TNIK: variants seen among roughly 807,000 people sequenced by gnomAD.
TNIK encodes TRAF2 and NCK interacting kinase.
TNIK carries 49 observed loss-of-function variants against 191.3 expected under a neutral mutation model. The ratio of observed to expected loss-of-function variants is 0.26; its 90% CI spans 0.20 to 0.32. The LOEUF (loss-of-function observed/expected upper bound fraction) is 0.32. Ranked by LOEUF, TNIK falls within the 10% of genes least tolerant of loss-of-function variation. TNIK has a pLI of 1.00. For missense variants in TNIK, 1,155 were observed against 1,702.3 expected, an observed-to-expected ratio of 0.68 and a Z score of 5.66; for synonymous variants, 594 against 600.9, an observed-to-expected ratio of 0.99 and a Z score of 0.17.
chr3:171,331,214 G>A lies in TNIK; in HGVS notation c.123+38406C>T, dbSNP rs1416792698. Among the ~76,000 whole-genome samples, 6 of 152,088 alleles carry A rather than the reference G, an allele frequency of 3.9e-5. No homozygotes were observed. The East Asian group carries it at 5.8e-4, about 15-fold the overall frequency. Reference sequence around the variant, plus strand: ...GTGAAGAAAGGGGCCCTGACAGTGCGCTACTCCATAAATTCAAAAACAGGC... The same window carrying A: ...GTGAAGAAAGGGGCCCTGACAGTGCACTACTCCATAAATTCAAAAACAGGC... On this transcript the variant is annotated intron_variant, in intron 2 of 32. Coordinates refer to ENST00000436636, the MANE Select transcript of TNIK (RefSeq NM_015028.4).
chr3:171,243,592 C>T (rs1745238276), intron 2 of TNIK, among the ~76,000 whole-genome samples: 1 of 152,078 alleles, frequency 6.6e-6, no homozygotes, highest in Admixed American at 6.5e-5. Flanking sequence ...TACTGAGCAG[C>T]TATTATATAT....
chr3:171,330,283 C>T (rs1212729680), intron 2 of TNIK, among the ~76,000 whole-genome samples: 5 of 152,110 alleles, frequency 3.3e-5, no homozygotes, highest in East Asian at 1.9e-4. Flanking sequence ...AAAATATTTT[C>T]GGCTGCTTTG....
At chr3:171,433,937 CTTTTTTTTTTT>C (rs67036993) in intron 1 of TNIK, among the ~76,000 whole-genome samples, 8 of 71,152 alleles carry the variant, frequency 1.1e-4, no homozygotes, top group Admixed American at 2.2e-4. Flanking sequence ...TTTCTTTTTC[CTTTTTTTTTTT>C]TTTTTTTTTT....
chr3:171,385,696 T>C (rs1718635087), intron 1 of TNIK, among the ~76,000 whole-genome samples: 1 of 152,194 alleles, frequency 6.6e-6, no homozygotes, highest in African/African-American at 2.4e-5. Context: ...GCTTTGTTAA[T>C]AGTATTATTT....
chr3:171,100,693 T>C (rs1227976335), intron 22 of TNIK, among the ~76,000 whole-genome samples: 1 of 147,076 alleles, frequency 6.8e-6, no homozygotes, highest in African/African-American at 2.5e-5. Context: ...GTAGGTTCTT[T>C]CACGGGATCC....
intron 7 of TNIK, among the ~76,000 whole-genome samples, chr3:171,179,237 T>G (rs1204259797): frequency 1.3e-5 from 2 of 152,234 alleles, no homozygotes. Context: ...CTCTTTGTTA[T>G]GTTTCAAGAT....
chr3:171,333,528 C>A (rs1261752806), intron 2 of TNIK, among the ~76,000 whole-genome samples: 1 of 148,352 alleles, frequency 6.7e-6, no homozygotes, highest in Non-Finnish European at 1.5e-5. Flanking sequence ...GAGCCAAGAT[C>A]GCACCACTGC....
chr3:171,079,035 A>G (rs959790248), intron 28 of TNIK, among the ~76,000 whole-genome samples: 1 of 151,972 alleles, frequency 6.6e-6, no homozygotes, highest in Non-Finnish European at 1.5e-5. Flanking sequence ...CCCACCTTAC[A>G]CCTCCACTTC....
Position 171,087,463 on chromosome 3 carries a change from C to A in TNIK, c.2765G>T (p.Gly922Val). Residue 922 changes from glycine to valine, a missense_variant, in exon 24 of 33, where the codon GGC becomes GTC. Physicochemically the swap from Gly to Val is moderately radical, Grantham distance 109. Transcript: ENST00000436636. ...AGGGAGGTTGATGTGGCCAGCAAAG[C>A]CATTGCTGTCACTGTGGCCAGATCG... is the stretch of plus-strand genomic sequence containing the variant. ...KKRSGHSDSN[G>V]FAGHINLPDL... 1.2e-6 allele frequency: 2 copies of A among 1,613,870 alleles called. No individual in the cohort carries two copies. Among genetic ancestry groups the A allele is most frequent in the South Asian group, 1.1e-5 (1 of 91,074 alleles).
At chr3:171,293,819 C>T (rs1473750686) in intron 2 of TNIK, among the ~76,000 whole-genome samples, 1 of 152,138 alleles carries the variant, frequency 6.6e-6, no homozygotes, top group Non-Finnish European at 1.5e-5. Context: ...GTGGCTCACA[C>T]CTGTAATCCT....
At chr3:171,205,403 A>G (rs977999788) in intron 4 of TNIK, among the ~76,000 whole-genome samples, 1 of 152,222 alleles carries the variant, frequency 6.6e-6, no homozygotes, top group Non-Finnish European at 1.5e-5. Context: ...GAGTCTGACG[A>G]GTGCTAGGCC....
At chr3:171,242,038 A>T (rs1373033002) in intron 2 of TNIK, among the ~76,000 whole-genome samples, 2 of 151,952 alleles carry the variant, frequency 1.3e-5, no homozygotes, top group African/African-American at 4.8e-5. Flanking sequence ...AGGGGGAGGG[A>T]TAGCATTAGG....
chr3:171,109,146 A>C (rs1040101010), intron 19 of TNIK, among the ~76,000 whole-genome samples: 1 of 152,214 alleles, frequency 6.6e-6, no homozygotes, highest in Non-Finnish European at 1.5e-5. Flanking sequence ...AATAGAAAAA[A>C]GATAACAGAA....
chr3:171,312,266 G>A (rs1754121463), intron 2 of TNIK, among the ~76,000 whole-genome samples: 1 of 151,832 alleles, frequency 6.6e-6, no homozygotes, highest in Non-Finnish European at 1.5e-5. Flanking sequence ...TGGATAGTGA[G>A]ATGATCCATT....
intron 1 of TNIK, among the ~76,000 whole-genome samples, chr3:171,385,526 A>G (rs1482968452): frequency 6.6e-6 from 1 of 152,154 alleles, no homozygotes; most frequent in African/African-American, 2.4e-5. Context: ...GACAAGCAGA[A>G]CATAACATAA....
chr3:171,100,200 C>T (rs1486110185), intron 22 of TNIK, among the ~76,000 whole-genome samples: 1 of 152,158 alleles, frequency 6.6e-6, no homozygotes, highest in Non-Finnish European at 1.5e-5. Flanking sequence ...GCATGTTTTG[C>T]AGAAATGTTC....
chr3:171,338,276 G>A lies in TNIK; in HGVS notation c.123+31344C>T, dbSNP rs539567036. On this transcript the variant is annotated intron_variant, in intron 2 of 32. Transcript: ENST00000436636. The stretch of plus-strand genomic sequence containing the variant: ...GTAACAACAACAACAAAAGTGACAT[G>A]TATAGGGGTGTGTGTATATATGAAA... 7.8e-4 allele frequency among the ~76,000 whole-genome samples: 119 copies of A among 152,230 alleles called. 2 individuals carry two copies. In the Middle Eastern group the frequency reaches 0.01, roughly 13 times the overall value.
intron 2 of TNIK, among the ~76,000 whole-genome samples, chr3:171,327,507 G>A (rs891378191): frequency 2.6e-5 from 4 of 152,196 alleles, no homozygotes; most frequent in East Asian, 3.9e-4. Flanking sequence ...AGATGGATAC[G>A]CTCTCTCTTC....
At chr3:171,432,567 G>A (rs945724237) in intron 1 of TNIK, among the ~76,000 whole-genome samples, 4 of 152,138 alleles carry the variant, frequency 2.6e-5, no homozygotes, top group African/African-American at 9.7e-5. Flanking sequence ...CAAAGTAATA[G>A]ATATCAAATT....
Sources: gnomAD v4.1 joint callset for allele counts (sites outside exome capture counted in the v4.1 genomes callset) on GRCh38, gnomAD v4.1.1 for gene constraint, MANE v1.5 for transcripts, NCBI Gene and HGNC (gene_info 2026-07-23, HGNC 2026-07-21) for gene names.